BMPR1B: variants seen among roughly 807,000 people sequenced by gnomAD.
BMPR1B encodes the protein bone morphogenetic protein receptor type-1B.
BMPR1B carries 12 observed loss-of-function variants against 59.1 expected under a neutral mutation model. The observed-to-expected ratio is 0.20, with a 90% CI of 0.13 to 0.33. BMPR1B has a LOEUF of 0.33. BMPR1B is among the 10% of genes least tolerant of loss of function. The pLI is 1.00. For missense variants in BMPR1B, 550 were observed against 610.9 expected, an observed-to-expected ratio of 0.90 and a Z score of 1.05; for synonymous variants, 237 against 207.3, an observed-to-expected ratio of 1.14 and a Z score of -1.23.
chr4:94,795,892 A>C (rs754021219), intron 1 of BMPR1B, among the ~76,000 whole-genome samples: 1 of 152,136 alleles, frequency 6.6e-6, no homozygotes, highest in East Asian at 1.9e-4. Context: ...TTCATACTGC[A>C]TTTGTAAAAG....
intron 2 of BMPR1B, among the ~76,000 whole-genome samples, chr4:94,876,771 CT>C (rs369625275): frequency 3.3e-4 from 51 of 152,244 alleles, no homozygotes; most frequent in African/African-American, 1.1e-3. Context: ...TATATCTTTT[CT>C]AATAACACAT....
intron 3 of BMPR1B, among the ~76,000 whole-genome samples, chr4:95,020,266 A>G (rs904031111): frequency 3.9e-5 from 6 of 152,146 alleles, no homozygotes; most frequent in African/African-American, 1.4e-4. Context: ...ATCTTACACT[A>G]CAAGGACAGT....
At chr4:94,826,306 T>C (rs897248163) in intron 1 of BMPR1B, among the ~76,000 whole-genome samples, 2 of 152,210 alleles carry the variant, frequency 1.3e-5, no homozygotes, top group African/African-American at 4.8e-5. Context: ...TCGGGGATAT[T>C]GCAGATGTTA....
At chr4:94,938,938 G>A (rs1179675342) in intron 2 of BMPR1B, among the ~76,000 whole-genome samples, 1 of 152,132 alleles carries the variant, frequency 6.6e-6, no homozygotes, top group Non-Finnish European at 1.5e-5. Context: ...TTGAGCCCAG[G>A]AGTTCAAGGT....
At chr4:95,064,097 A>G (rs1210827043) in intron 3 of BMPR1B, among the ~76,000 whole-genome samples, 1 of 152,200 alleles carries the variant, frequency 6.6e-6, no homozygotes, top group Non-Finnish European at 1.5e-5. Context: ...GGTATAGATA[A>G]ATAATTATAT....
At chr4:94,849,493 A>G (rs996818760) in intron 1 of BMPR1B, among the ~76,000 whole-genome samples, 7 of 152,094 alleles carry the variant, frequency 4.6e-5, no homozygotes, top group African/African-American at 7.2e-5. Context: ...GGAATAGGAA[A>G]TGAGGTCAAG....
chr4:95,033,304 C>CT lies in BMPR1B; in HGVS notation c.-18+37182dup, dbSNP rs70946581. Among the ~76,000 whole-genome samples the CT allele has an allele frequency of 1.1e-3, 157 of 147,612 alleles. 1 individual carries two copies. The highest frequency in any genetic ancestry group is 8.1e-3 in the South Asian group (38 of 4,700). On this transcript the variant is annotated intron_variant, in intron 3 of 12. Transcript: ENST00000515059. ...TTAATTTTAAAGTAGTCCAGTTTATCTTTTTTTTTTTTCCTGTTGTTACCT... is the reference window on the plus strand; with the variant it reads ...TTAATTTTAAAGTAGTCCAGTTTATCTTTTTTTTTTTTTCCTGTTGTTACCT...
In BMPR1B at chr4:94,924,880, A is replaced by G. The variant is rs186247796; in HGVS notation, c.-113+48980A>G. Among the ~76,000 whole-genome samples the G allele has an allele frequency of 5.5e-4, 83 of 152,202 alleles. 1 individual carries two copies. Among genetic ancestry groups the G allele is most frequent in the Admixed American group, 5.0e-3 (77 of 15,258 alleles). On this transcript the variant is annotated intron_variant, in intron 2 of 12. Coordinates refer to ENST00000515059, the MANE Select transcript of BMPR1B (RefSeq NM_001203.3). ...TGATGTGAGCCAAAAAATCTTCTTC[A>G]TGTTTATGTTAATTTGAATAATTTA...
chr4:95,148,845 T>G lies in BMPR1B; in HGVS notation c.1174T>G (p.Phe392Val), dbSNP rs1464900722. 6.2e-7 allele frequency: 1 copy of G among 1,613,940 alleles called. No homozygotes were observed. The highest frequency in any genetic ancestry group is 8.5e-7 in the Non-Finnish European group (1 of 1,179,962). The change falls in exon 11 of 13, where the codon TTC becomes GTC. Residue 392 changes from phenylalanine (F) to valine (V), a missense_variant. Coordinates refer to ENST00000515059, the MANE Select transcript of BMPR1B (RefSeq NM_001203.3). ...VLDESLNRNH[F>V]QSYIMADMYS... is the part of the protein sequence containing the mutation. ...GGACGAGAGCTTGAACAGAAATCAC[T>G]TCCAGTCTTACATCATGGCTGACAT...
intron 3 of BMPR1B, among the ~76,000 whole-genome samples, chr4:95,075,211 G>A (rs1400573505): frequency 6.6e-6 from 1 of 152,020 alleles, no homozygotes; most frequent in Non-Finnish European, 1.5e-5. Context: ...AGTTTCCACT[G>A]GAATTTTTAC....
At chr4:94,856,076 G>A (rs187732497) in intron 1 of BMPR1B, among the ~76,000 whole-genome samples, 21 of 152,262 alleles carry the variant, frequency 1.4e-4, no homozygotes, top group Middle Eastern at 3.4e-3. Context: ...AAATTTTGAT[G>A]CATTTCTTTC....
At chr4:94,929,992 A>G (rs547225237) in intron 2 of BMPR1B, among the ~76,000 whole-genome samples, 4 of 151,968 alleles carry the variant, frequency 2.6e-5, no homozygotes, top group Non-Finnish European at 4.4e-5. Context: ...TGTGTCTTCA[A>G]CTCAGTTTTT....
At chr4:95,012,039 C>CA (rs546068856) in intron 3 of BMPR1B, among the ~76,000 whole-genome samples, 277 of 139,906 alleles carry the variant, frequency 2.0e-3, no homozygotes, top group Non-Finnish European at 2.4e-3. Flanking sequence ...ACAACAACAA[C>CA]AAAAAAAAAA....
intron 3 of BMPR1B, among the ~76,000 whole-genome samples, chr4:95,019,859 A>C (rs955470714): frequency 6.6e-6 from 1 of 152,180 alleles, no homozygotes; most frequent in Non-Finnish European, 1.5e-5. Context: ...ATCAAAATAA[A>C]TCGTCCTCAA....
intron 1 of BMPR1B, among the ~76,000 whole-genome samples, chr4:94,823,992 C>A (rs1331777354): frequency 6.6e-6 from 1 of 152,148 alleles, no homozygotes; most frequent in Non-Finnish European, 1.5e-5. Context: ...GCGATCCACC[C>A]GCCTTGGCCT....
At chr4:95,059,991 C>T (rs1458135821) in intron 3 of BMPR1B, among the ~76,000 whole-genome samples, 1 of 152,174 alleles carries the variant, frequency 6.6e-6, no homozygotes, top group East Asian at 1.9e-4. Flanking sequence ...ACTGGCTGAG[C>T]ACTTGCTGCA....
At chr4:94,779,105 A>T (rs1722494460) in intron 1 of BMPR1B, among the ~76,000 whole-genome samples, 1 of 152,142 alleles carries the variant, frequency 6.6e-6, no homozygotes, top group Non-Finnish European at 1.5e-5. Context: ...CCACCCCAAC[A>T]TCATAATGAT....
At chr4:94,771,478 T>TG (rs1353627770) in intron 1 of BMPR1B, among the ~76,000 whole-genome samples, 1 of 152,144 alleles carries the variant, frequency 6.6e-6, no homozygotes, top group Non-Finnish European at 1.5e-5. Context: ...TAATTGCATG[T>TG]GGAAGGTGCT....
intron 2 of BMPR1B, among the ~76,000 whole-genome samples, chr4:94,975,293 G>A (rs1249132219): frequency 6.6e-6 from 1 of 151,628 alleles, no homozygotes; most frequent in Non-Finnish European, 1.5e-5. Flanking sequence ...CTGGAGACTT[G>A]GATAATTTAG....
Sources: gnomAD v4.1 joint callset for allele counts (sites outside exome capture counted in the v4.1 genomes callset) on GRCh38, gnomAD v4.1.1 for gene constraint, MANE v1.5 for transcripts, NCBI Gene and HGNC (gene_info 2026-07-23, HGNC 2026-07-21) for gene names.